FAM168A: variants seen among roughly 807,000 people sequenced by gnomAD.
FAM168A encodes the protein protein FAM168A.
In FAM168A, 3 loss-of-function variants were observed where a neutral mutation model predicts 28.5. That is an observed-to-expected ratio of 0.11 (90% confidence interval 0.05 to 0.27). The LOEUF is 0.27. Among genes scored for constraint, FAM168A ranks in the 10% least tolerant of loss-of-function variants. FAM168A has a pLI of 1.00. For missense variants in FAM168A, 222 were observed against 311.5 expected, an observed-to-expected ratio of 0.71 and a Z score of 2.16; for synonymous variants, 122 against 124.2, an observed-to-expected ratio of 0.98 and a Z score of 0.12.
At chr11:73,496,323 GA>G (rs1004454805) in intron 1 of FAM168A, among the ~76,000 whole-genome samples, 4 of 152,194 alleles carry the variant, frequency 2.6e-5, no homozygotes, top group African/African-American at 9.7e-5. Flanking sequence ...GGTGAAAAGG[GA>G]AGTTGTTGTT....
At chr11:73,450,660 C>G (rs1246714067) in intron 2 of FAM168A, among the ~76,000 whole-genome samples, 8 of 147,210 alleles carry the variant, frequency 5.4e-5, no homozygotes, top group Non-Finnish European at 9.0e-5. Context: ...AACGACCCCC[C>G]TTCTCCACTC....
intron 1 of FAM168A, among the ~76,000 whole-genome samples, chr11:73,551,107 T>C (rs1446791720): frequency 7.3e-6 from 1 of 137,252 alleles, no homozygotes; most frequent in Non-Finnish European, 1.5e-5. Context: ...CGAGACTCTG[T>C]CTCAAAAAAA....
intron 1 of FAM168A, among the ~76,000 whole-genome samples, chr11:73,556,784 G>A (rs1055558999): frequency 6.6e-6 from 1 of 152,068 alleles, no homozygotes; most frequent in Non-Finnish European, 1.5e-5. Context: ...ACTTTGGAAG[G>A]CCAAGGCAGG....
intron 6 of FAM168A, among the ~76,000 whole-genome samples, chr11:73,409,257 T>G (rs1440023951): frequency 6.6e-6 from 1 of 152,184 alleles, no homozygotes; most frequent in East Asian, 1.9e-4. Flanking sequence ...CCTCTTTCAC[T>G]TCTCTAGTTA....
At position 73,411,377 on chromosome 11, in the gene FAM168A, C is replaced by G; in HGVS notation, c.420+17G>C. On this transcript the variant is annotated intron_variant, in intron 5 of 7. Coordinates refer to ENST00000356467, the MANE Select transcript of FAM168A (RefSeq NM_015159.3). ...GCTCCTCTACCTGCAGAAGAGGTGG[C>G]TTTGACATGTACCTACCTGGGCATA... 1 of 1,567,678 alleles carries G rather than the reference C, an allele frequency of 6.4e-7. No homozygotes were observed.
intron 1 of FAM168A, among the ~76,000 whole-genome samples, chr11:73,594,718 G>A (rs1156231221): frequency 6.6e-6 from 1 of 152,056 alleles, no homozygotes; most frequent in African/African-American, 2.4e-5. Context: ...TAGTAGAGAT[G>A]GGGTTTTGCC....
chr11:73,430,848 A>G, intron 2 of FAM168A, 78 bp from the exon 3 acceptor site: 1 of 1,182,168 alleles, frequency 8.5e-7, no homozygotes, highest in Non-Finnish European at 1.2e-6. Flanking sequence ...AAAAACACCC[A>G]GATTTTTGAG....
Position 73,565,586 on chromosome 11 carries a change from A to G in FAM168A, c.-19+32337T>C, listed in dbSNP as rs185037152. 2.0e-4 allele frequency among the ~76,000 whole-genome samples: 30 copies of G among 152,294 alleles called. No individual in the cohort carries two copies. In the East Asian group the frequency reaches 5.4e-3, roughly 27 times the overall value. ...TTCTTGGAGCTACTATAGGAATTAA[A>G]ACAAGATAAAAGGAAAGCACTTGGT... On this transcript the variant is annotated intron_variant, in intron 1 of 7. Coordinates refer to ENST00000356467, the MANE Select transcript of FAM168A (RefSeq NM_015159.3).
chr11:73,455,889 G>C (rs1299066571), intron 2 of FAM168A, among the ~76,000 whole-genome samples: 1 of 152,112 alleles, frequency 6.6e-6, no homozygotes, highest in Non-Finnish European at 1.5e-5. Context: ...GGCATCCTGA[G>C]GTGCAATCTC....
At chr11:73,427,476 C>T (rs1028806647) in intron 3 of FAM168A, among the ~76,000 whole-genome samples, 7 of 152,144 alleles carry the variant, frequency 4.6e-5, no homozygotes, top group South Asian at 4.1e-4. Flanking sequence ...GCCAGTCTAA[C>T]GCCTTAATTT....
At chr11:73,587,001 A>C (rs1170210759) in intron 1 of FAM168A, among the ~76,000 whole-genome samples, 2 of 152,152 alleles carry the variant, frequency 1.3e-5, no homozygotes, top group Admixed American at 1.3e-4. Flanking sequence ...ATTTTTAGTA[A>C]AGGTTTGACA....
intron 1 of FAM168A, among the ~76,000 whole-genome samples, chr11:73,596,887 C>G (rs1348393043): frequency 6.6e-6 from 1 of 152,128 alleles, no homozygotes; most frequent in Non-Finnish European, 1.5e-5. Context: ...TCCGAAAGTC[C>G]TTCTCCAAAA....
At chr11:73,560,848 A>G (rs1424054925) in intron 1 of FAM168A, among the ~76,000 whole-genome samples, 1 of 152,156 alleles carries the variant, frequency 6.6e-6, no homozygotes, top group Non-Finnish European at 1.5e-5. Flanking sequence ...ACATAGCCTG[A>G]GACCAGGAGT....
chr11:73,491,698 G>A (rs933304689), intron 1 of FAM168A, among the ~76,000 whole-genome samples: 14 of 152,154 alleles, frequency 9.2e-5, no homozygotes, highest in Non-Finnish European at 1.3e-4. Flanking sequence ...TCTCATACGT[G>A]GGATGCAGAC....
intron 4 of FAM168A, among the ~76,000 whole-genome samples, chr11:73,418,186 T>C (rs1226695031): frequency 6.6e-6 from 1 of 152,246 alleles, no homozygotes; most frequent in Non-Finnish European, 1.5e-5. Flanking sequence ...ATGGTTTAGA[T>C]GTTTGTTTCC....
chr11:73,450,190 T>A (rs977712803), intron 2 of FAM168A, among the ~76,000 whole-genome samples: 2 of 152,252 alleles, frequency 1.3e-5, no homozygotes, highest in African/African-American at 4.8e-5. Context: ...CTGTCATAGC[T>A]GACACATGTG....
intron 1 of FAM168A, among the ~76,000 whole-genome samples, chr11:73,513,697 A>G (rs1855273826): frequency 2.0e-5 from 3 of 152,178 alleles, no homozygotes; most frequent in Non-Finnish European, 4.4e-5. Context: ...GGAATTCATA[A>G]GCAAGAATTC....
At chr11:73,548,828 G>C (rs1467544087) in intron 1 of FAM168A, among the ~76,000 whole-genome samples, 1 of 151,964 alleles carries the variant, frequency 6.6e-6, no homozygotes, top group African/African-American at 2.4e-5. Context: ...TAAAGGTGGG[G>C]TCTCCCTATG....
intron 1 of FAM168A, among the ~76,000 whole-genome samples, chr11:73,547,703 A>G (rs1590847417): frequency 6.6e-6 from 1 of 152,180 alleles, no homozygotes; most frequent in African/African-American, 2.4e-5. Context: ...TGACCATACT[A>G]TCTGGCAATT....
Sources: allele counts gnomAD v4.1 joint callset (sites outside exome capture counted in the v4.1 genomes callset), GRCh38; gene constraint gnomAD v4.1.1; transcripts MANE v1.5; gene names NCBI Gene and HGNC (gene_info 2026-07-23, HGNC 2026-07-21).